Variants in CEP164 observed in about 807,000 individuals in gnomAD.
The protein encoded by CEP164 is centrosomal protein of 164 kDa.
A neutral mutation model predicts 182.7 loss-of-function variants in CEP164; 162 were observed. The observed-to-expected ratio is 0.89, with a 90% CI of 0.78 to 1.01. The LOEUF is 1.01. Among genes scored for constraint, CEP164 ranks in the 50% least tolerant of loss-of-function variants. The probability of loss-of-function intolerance (pLI) is 0.00; values close to 1 mark genes in which losing one functional copy is unlikely to be tolerated. For synonymous variants in CEP164, 661 were observed against 690.0 expected (o/e 0.96, Z 0.66); for missense variants, 1,735 against 1,790.4 (o/e 0.97, Z 0.56).
At chr11:117,406,845 C>T (rs1325714665) in intron 27 of CEP164, among the ~76,000 whole-genome samples, 3 of 152,252 alleles carry the variant, frequency 2.0e-5, no homozygotes, top group Admixed American at 1.3e-4. Context: ...CCTGTAATGC[C>T]AGCACTTTGG....
intron 13 of CEP164, 75 bp from the exon 14 acceptor site, chr11:117,382,721 C>T: frequency 1.3e-6 from 2 of 1,533,186 alleles, no homozygotes; most frequent in East Asian, 2.3e-5. Context: ...AGCTCTTTGA[C>T]CCCAAATGGC....
rs937161030 is a variant in CEP164, at chr11:117,394,207, T to C, written c.2617-143T>C. 22 of 1,132,422 alleles carry C rather than the reference T, an allele frequency of 1.9e-5. No individual in the cohort carries two copies. Among genetic ancestry groups the C allele is most frequent in the Non-Finnish European group, 2.6e-5 (21 of 801,380 alleles). The allele number at this position is 1,132,422 out of a possible 1,614,324, so 70.1% of individuals were successfully genotyped here. A position where few individuals can be genotyped will look rare whatever the true frequency, so the allele number is the denominator to read the frequency against. ...AGGGCCGGTGCTGTGCTTGTAACCC[T>C]CCTCTTCTCCAAGAGCTGGCTTTAG... On this transcript the variant is annotated intron_variant, in intron 20 of 32. Coordinates refer to ENST00000278935, the MANE Select transcript of CEP164 (RefSeq NM_014956.5). This position sits in a 1 kb window ranked among gnomAD's most constrained non-coding sequence, Gnocchi z 4.0.
intron 9 of CEP164, among the ~76,000 whole-genome samples, chr11:117,372,734 A>G (rs1191460401): frequency 1.3e-5 from 2 of 152,088 alleles, no homozygotes; most frequent in Non-Finnish European, 2.9e-5. Context: ...GTACTTCTTG[A>G]CATCAGTTTG....
chr11:117,353,124 G>C (rs551713932), intron 5 of CEP164, among the ~76,000 whole-genome samples: 2 of 152,022 alleles, frequency 1.3e-5, no homozygotes, highest in African/African-American at 4.8e-5. Context: ...AGAGAGGGAG[G>C]GACATAGGAA....
At chr11:117,366,490 A>G (rs911865828) in intron 8 of CEP164, among the ~76,000 whole-genome samples, 4 of 152,182 alleles carry the variant, frequency 2.6e-5, no homozygotes, top group African/African-American at 9.7e-5. Context: ...TGGAACCGAC[A>G]CTGAACAGGG....
At chr11:117,329,584 C>T (rs867099157) in intron 1 of CEP164, among the ~76,000 whole-genome samples, 1 of 152,316 alleles carries the variant, frequency 6.6e-6, no homozygotes. Context: ...CTCTGTCGCC[C>T]AGGCTGGAGT....
intron 5 of CEP164, chr11:117,359,511 G>A: frequency 1.0e-6 from 1 of 985,392 alleles, no homozygotes. Flanking sequence ...GCAGAAATGG[G>A]CCCTGCTGGG....
intron 27 of CEP164, among the ~76,000 whole-genome samples, chr11:117,402,308 C>A (rs1198556404): frequency 6.6e-6 from 1 of 151,790 alleles, no homozygotes; most frequent in Non-Finnish European, 1.5e-5. Context: ...GCAAACTCTG[C>A]CTCCCAGATT....
intron 4 of CEP164, among the ~76,000 whole-genome samples, chr11:117,349,688 A>G (rs1241148604): frequency 6.6e-6 from 1 of 152,146 alleles, no homozygotes; most frequent in Admixed American, 6.5e-5. Context: ...AATCTATTTT[A>G]TATTTAAGTT....
At chr11:117,333,825 T>C (rs895832118) in intron 1 of CEP164, among the ~76,000 whole-genome samples, 2 of 152,218 alleles carry the variant, frequency 1.3e-5, no homozygotes, top group Admixed American at 6.5e-5. Context: ...TGTGAGCCAC[T>C]GTGCCCAGCC....
chr11:117,380,946 C>T (rs2043250618), intron 12 of CEP164, among the ~76,000 whole-genome samples: 1 of 152,210 alleles, frequency 6.6e-6, no homozygotes, highest in Non-Finnish European at 1.5e-5. Context: ...TTTGTTTCTT[C>T]ACCAAGATGG....
intron 15 of CEP164, among the ~76,000 whole-genome samples, chr11:117,389,573 A>G (rs2044355105): frequency 6.6e-6 from 1 of 152,260 alleles, no homozygotes; most frequent in Non-Finnish European, 1.5e-5. Flanking sequence ...CATGGTGCAG[A>G]GTAGCATGGG....
Position 117,409,090 on chromosome 11 carries a change from A to C in CEP164, c.3748+62A>C. The C allele has an allele frequency of 1.2e-6, 2 of 1,604,060 alleles. No individual in the cohort carries two copies. Among genetic ancestry groups the C allele is most frequent in the South Asian group, 2.2e-5 (2 of 89,980 alleles). On this transcript the variant is annotated intron_variant, in intron 29 of 32. Coordinates refer to ENST00000278935, the MANE Select transcript of CEP164 (RefSeq NM_014956.5). The surrounding 1 kb of genome is among the most constrained non-coding windows in gnomAD (Gnocchi z 4.4). ...CCATGGAATGGGAGGAACTTGGGGAATAGAAGAAGAGCTCTCTTCCCTCAG... is the reference window on the plus strand; with the variant it reads ...CCATGGAATGGGAGGAACTTGGGGACTAGAAGAAGAGCTCTCTTCCCTCAG...
At chr11:117,329,806 C>T (rs1332852937) in intron 1 of CEP164, among the ~76,000 whole-genome samples, 2 of 143,806 alleles carry the variant, frequency 1.4e-5, no homozygotes, top group African/African-American at 5.1e-5. Context: ...TCCCAAAGTG[C>T]TGGGATTACA....
Position 117,390,801 on chromosome 11 carries a change from A to G in CEP164, c.1959A>G (p.Lys653=). 1 of 1,613,826 alleles carries G rather than the reference A, an allele frequency of 6.2e-7. No homozygotes were observed. The highest frequency in any genetic ancestry group is 8.5e-7 in the Non-Finnish European group (1 of 1,179,972). The part of the protein sequence containing the change: ...SLSSLRERLQ[K]AIEEEEARMR... ...GTTCCTTGAGGGAGCGGCTGCAGAA[A>G]GCCATTGAGGAGGAGGAGGCCCGGA... The change falls in exon 16 of 33, where the codon AAA becomes AAG. Residue 653 remains lysine, a synonymous_variant. Coordinates refer to ENST00000278935, the MANE Select transcript of CEP164 (RefSeq NM_014956.5).
chr11:117,357,490 C>G (rs1393817324), intron 5 of CEP164, among the ~76,000 whole-genome samples: 1 of 148,984 alleles, frequency 6.7e-6, no homozygotes, highest in African/African-American at 2.5e-5. Flanking sequence ...GGTGCCATCT[C>G]AGGTCATTGC....
chr11:117,335,160 G>C (rs567128866), intron 1 of CEP164, among the ~76,000 whole-genome samples: 122 of 152,332 alleles, frequency 8.0e-4, no homozygotes, highest in African/African-American at 2.7e-3. Context: ...CAGCTTTTTA[G>C]TCAGCAGTGG....
chr11:117,367,719 G>C (rs1451290429), intron 8 of CEP164, among the ~76,000 whole-genome samples: 7 of 152,130 alleles, frequency 4.6e-5, no homozygotes, highest in African/African-American at 1.7e-4. Context: ...GTAAACTTGT[G>C]TCATAGGGGT....
intron 5 of CEP164, among the ~76,000 whole-genome samples, chr11:117,357,356 G>T (rs1237871633): frequency 2.0e-5 from 3 of 151,178 alleles, no homozygotes; most frequent in African/African-American, 4.9e-5. Flanking sequence ...TGATCCACCT[G>T]CCTTGGCCTC....
Sources: allele counts gnomAD v4.1 joint callset (sites outside exome capture counted in the v4.1 genomes callset), GRCh38; gene constraint gnomAD v4.1.1; non-coding constraint Gnocchi (gnomAD v3.1); transcripts MANE v1.5; gene names NCBI Gene and HGNC (gene_info 2026-07-23, HGNC 2026-07-21).